ROBO2: variants seen among roughly 807,000 people sequenced by gnomAD.
ROBO2 encodes roundabout homolog 2.
Under a neutral mutation model 160.8 loss-of-function variants are expected in ROBO2, and 53 were observed. The ratio of observed to expected loss-of-function variants is 0.33; its 90% CI spans 0.26 to 0.41. The LOEUF (loss-of-function observed/expected upper bound fraction) is 0.41, where lower values mean the gene tolerates loss of function less well. Among genes scored for constraint, ROBO2 ranks in the 10% least tolerant of loss-of-function variants. The probability of loss-of-function intolerance (pLI) is 1.00; values close to 1 mark genes in which losing one functional copy is unlikely to be tolerated. For synonymous variants in ROBO2, 664 were observed against 611.7 expected (o/e 1.09, Z -1.26); for missense variants, 1,577 against 1,722.4 (o/e 0.92, Z 1.49).
chr3:76,119,353 ATT>A (rs5850234), intron 2 of ROBO2, among the ~76,000 whole-genome samples: 2 of 151,270 alleles, frequency 1.3e-5, no homozygotes, highest in Admixed American at 1.3e-4. Context: ...AACTTTCGTA[ATT>A]TTTTTTTACC....
rs577533502 is a variant in ROBO2, at chr3:76,870,584, C to G, written c.110-227430C>G. Among the ~76,000 whole-genome samples, 28 of 152,142 alleles carry G rather than the reference C, an allele frequency of 1.8e-4. No homozygotes were observed. In the South Asian group the frequency reaches 5.2e-3, roughly 28 times the overall value. On this transcript the variant is annotated intron_variant, in intron 2 of 26. Coordinates refer to the ROBO2 transcript ENST00000487694. ...CAGTTTCTCACTAGACTATGAACACCTAGAGATTATGTTCATGCATTATGG... is the reference window on the plus strand; with the variant it reads ...CAGTTTCTCACTAGACTATGAACACGTAGAGATTATGTTCATGCATTATGG...
At chr3:76,239,478 G>A (rs1008898938) in intron 2 of ROBO2, among the ~76,000 whole-genome samples, 5 of 151,954 alleles carry the variant, frequency 3.3e-5, no homozygotes, top group African/African-American at 1.2e-4. Context: ...TTGGGTGTAG[G>A]TTCAAACCAA....
chr3:77,033,498 T>C (rs1000666210), intron 2 of ROBO2, among the ~76,000 whole-genome samples: 2 of 152,128 alleles, frequency 1.3e-5, no homozygotes, highest in African/African-American at 2.4e-5. Flanking sequence ...GTTTTTAATG[T>C]GTTTGGTAAA....
chr3:77,391,394 C>T (rs1231618766), intron 2 of ROBO2, among the ~76,000 whole-genome samples: 1 of 151,858 alleles, frequency 6.6e-6, no homozygotes, highest in Non-Finnish European at 1.5e-5. Context: ...GCAGCCTCAA[C>T]CTCCCCACCT....
intron 2 of ROBO2, among the ~76,000 whole-genome samples, chr3:76,000,127 G>A (rs2065839935): frequency 6.6e-6 from 1 of 152,086 alleles, no homozygotes; most frequent in Admixed American, 6.6e-5. Context: ...TGAAAGGCAC[G>A]TTTTGGGGCA....
At chr3:77,514,269 G>C (rs11915414) in intron 5 of ROBO2, among the ~76,000 whole-genome samples, 6,410 of 151,764 alleles carry the variant, frequency 0.042, 437 homozygotes, top group African/African-American at 0.14. Context: ...AAATACCTTT[G>C]ATTGTTTAAT....
chr3:77,467,283 A>G (rs1248319235), intron 2 of ROBO2, among the ~76,000 whole-genome samples: 1 of 152,174 alleles, frequency 6.6e-6, no homozygotes, highest in Non-Finnish European at 1.5e-5. Flanking sequence ...AATATATGTA[A>G]AAGAGATTTA....
intron 2 of ROBO2, among the ~76,000 whole-genome samples, chr3:77,477,087 T>C (rs1348084853): frequency 6.6e-6 from 1 of 152,054 alleles, no homozygotes; most frequent in African/African-American, 2.4e-5. Flanking sequence ...ATATAGAAAA[T>C]AGAATTATAC....
In ROBO2 at chr3:77,237,860, G is replaced by A. The variant is rs1203481706; in HGVS notation, c.388+139520G>A. ...GTACCATTTTATCTTCTCCCCAACA[G>A]TGAATGACAGTTCCTGTTGATCCAC... is the stretch of plus-strand genomic sequence containing the variant. On this transcript the variant is annotated intron_variant, in intron 2 of 25. Coordinates refer to ENST00000461745, the Ensembl canonical transcript of ROBO2. Among the ~76,000 whole-genome samples the A allele has an allele frequency of 2.0e-5, 3 of 152,274 alleles. No individual in the cohort carries two copies. The East Asian group carries it at 5.8e-4, about 29-fold the overall frequency.
chr3:76,247,586 GTTGT>G (rs1451068720), intron 2 of ROBO2, among the ~76,000 whole-genome samples: 2 of 151,974 alleles, frequency 1.3e-5, no homozygotes, highest in South Asian at 2.1e-4. Context: ...TTTTGTTGTT[GTTGT>G]TTGTTTGTTT....
At chr3:76,205,188 A>G (rs796985145) in intron 2 of ROBO2, among the ~76,000 whole-genome samples, 1 of 152,178 alleles carries the variant, frequency 6.6e-6, no homozygotes, top group African/African-American at 2.4e-5. Context: ...GGATTAAATG[A>G]GACAAAGTCT....
chr3:76,661,353 A>T (rs1181200261), intron 2 of ROBO2, among the ~76,000 whole-genome samples: 1 of 152,204 alleles, frequency 6.6e-6, no homozygotes, highest in African/African-American at 2.4e-5. Flanking sequence ...ATATAATGTT[A>T]TAAACCAAAA....
intron 2 of ROBO2, among the ~76,000 whole-genome samples, chr3:76,961,542 G>A (rs1443259551): frequency 6.6e-6 from 1 of 152,056 alleles, no homozygotes; most frequent in Non-Finnish European, 1.5e-5. Context: ...GTTTGTTTCA[G>A]GGTGGTTAAG....
intron 2 of ROBO2, among the ~76,000 whole-genome samples, chr3:76,056,179 T>G (rs2067839661): frequency 6.6e-6 from 1 of 152,202 alleles, no homozygotes; most frequent in African/African-American, 2.4e-5. Context: ...CTGTAGATAA[T>G]TTAAAGTATA....
intron 2 of ROBO2, among the ~76,000 whole-genome samples, chr3:75,991,774 G>A (rs1412208092): frequency 3.3e-4 from 51 of 152,248 alleles, no homozygotes; most frequent in Admixed American, 3.3e-3. Flanking sequence ...CTAGAGACGT[G>A]TTGAATGGCT....
At chr3:76,199,202 A>G (rs1702403135) in intron 2 of ROBO2, among the ~76,000 whole-genome samples, 1 of 152,106 alleles carries the variant, frequency 6.6e-6, no homozygotes, top group Non-Finnish European at 1.5e-5. Context: ...TCAAATGTGT[A>G]TGAGATTCCT....
intron 5 of ROBO2, among the ~76,000 whole-genome samples, chr3:77,497,580 A>G (rs1030514887): frequency 1.3e-5 from 2 of 152,160 alleles, no homozygotes; most frequent in Non-Finnish European, 2.9e-5. Flanking sequence ...TTCCAAATAC[A>G]GTAAAGAAGT....
At chr3:77,285,678 T>C (rs757843639) in intron 2 of ROBO2, among the ~76,000 whole-genome samples, 3 of 152,218 alleles carry the variant, frequency 2.0e-5, no homozygotes, top group Non-Finnish European at 4.4e-5. Context: ...CTATCTTACA[T>C]GTATCATTGC....
intron 2 of ROBO2, among the ~76,000 whole-genome samples, chr3:77,386,713 G>A (rs1044426047): frequency 1.9e-4 from 27 of 145,228 alleles, no homozygotes; most frequent in African/African-American, 4.8e-4. Flanking sequence ...AGTGATTCTC[G>A]TGCCTCGGCC....
Sources: allele counts gnomAD v4.1 joint callset (sites outside exome capture counted in the v4.1 genomes callset), GRCh38; gene constraint gnomAD v4.1.1; transcripts MANE v1.5; gene names NCBI Gene and HGNC (gene_info 2026-07-23, HGNC 2026-07-21).